CSPG4: variants seen among roughly 807,000 people sequenced by gnomAD.
The protein encoded by CSPG4 is chondroitin sulfate proteoglycan 4 (melanoma-associated).
CSPG4 carries 74 observed loss-of-function variants against 139.3 expected under a neutral mutation model. The ratio of observed to expected loss-of-function variants is 0.53; its 90% CI spans 0.44 to 0.64. The LOEUF is 0.64. CSPG4 is among the 30% of genes least tolerant of loss of function. CSPG4 has a pLI of 0.00. For missense variants in CSPG4, 2,565 were observed against 3,148.3 expected (o/e 0.81, Z 4.43); for synonymous variants, 1,234 against 1,394.2 (o/e 0.89, Z 2.56).
At chr15:75,708,990 GC>G (rs903206777) in intron 1 of CSPG4, among the ~76,000 whole-genome samples, 1 of 152,154 alleles carries the variant, frequency 6.6e-6, no homozygotes, top group African/African-American at 2.4e-5. Flanking sequence ...CTGCAGGGCT[GC>G]TGTGGGGCTG....
At chr15:75,695,779 CAG>C (rs1170744201) in intron 1 of CSPG4, among the ~76,000 whole-genome samples, 5 of 151,916 alleles carry the variant, frequency 3.3e-5, no homozygotes, top group Non-Finnish European at 5.9e-5. Context: ...TGTACAGACA[CAG>C]AGAGGGAGGA....
intron 1 of CSPG4, among the ~76,000 whole-genome samples, chr15:75,694,698 TCTC>T (rs776443581): frequency 7.5e-4 from 114 of 152,316 alleles, no homozygotes; most frequent in Non-Finnish European, 9.1e-4. Context: ...CCTCTAGTTA[TCTC>T]CTCCTGCCAG....
intron 1 of CSPG4, among the ~76,000 whole-genome samples, chr15:75,694,610 A>C (rs1293560716): frequency 6.6e-6 from 1 of 152,122 alleles, no homozygotes; most frequent in African/African-American, 2.4e-5. Context: ...AGACTTGTAC[A>C]CCCTAAGGGC....
chr15:75,689,928 G>T lies in CSPG4; in HGVS notation c.1137C>A (p.Gly379=), dbSNP rs752418350. 5.0e-6 allele frequency: 8 copies of T among 1,611,754 alleles called. No individual in the cohort carries two copies. The East Asian group carries it at 1.6e-4, about 31-fold the overall frequency. ...CATACTCCTCCTCCTCCAGCCTGCA[G>T]CCGGCTGCCATGTTGCGCGTCAGCA... ...EALLTRNMAA[G]CRLEEEEYED... is the part of the protein sequence containing the mutation. The change falls in exon 3 of 10, where the codon GGC becomes GGA. Residue 379 remains glycine (G), a synonymous_variant. Transcript: ENST00000308508.
intron 9 of CSPG4, 60 bp downstream of exon 9, chr15:75,677,643 C>T: frequency 5.3e-6 from 8 of 1,513,606 alleles, no homozygotes; most frequent in Non-Finnish European, 7.1e-6. Flanking sequence ...CGTGTCCCCT[C>T]CTCCTGGGCC....
intron 1 of CSPG4, among the ~76,000 whole-genome samples, chr15:75,699,366 G>T (rs1894271419): frequency 6.6e-6 from 1 of 152,258 alleles, no homozygotes; most frequent in African/African-American, 2.4e-5. Flanking sequence ...GCAAGGCCAA[G>T]GGGGCCAGGG....
chr15:75,705,474 G>A lies in CSPG4; in HGVS notation c.88+7194C>T, dbSNP rs186397915. ...GCAGCTTCAGGAGCAGATGTCCACCGAGCATTGATTCCAGGCAAAGTGTCT... is the reference window on the plus strand; with the variant it reads ...GCAGCTTCAGGAGCAGATGTCCACCAAGCATTGATTCCAGGCAAAGTGTCT... On this transcript the variant is annotated intron_variant, in intron 1 of 9. Transcript: ENST00000308508. Among the ~76,000 whole-genome samples, 331 of 152,316 alleles carry A rather than the reference G, an allele frequency of 2.2e-3. 3 individuals are homozygous for A. The highest frequency in any genetic ancestry group is 7.6e-3 in the African/African-American group (315 of 41,564).
At chr15:75,678,116 G>A (rs1421254167) in intron 8 of CSPG4, among the ~76,000 whole-genome samples, 1 of 152,174 alleles carries the variant, frequency 6.6e-6, no homozygotes, top group African/African-American at 2.4e-5. Flanking sequence ...GCCACCCTGG[G>A]GAAATCGCCT....
At position 75,688,682 on chromosome 15, in the gene CSPG4, G is replaced by T; in HGVS notation, c.2383C>A (p.Gln795Lys). The T allele has an allele frequency of 6.2e-7, 1 of 1,611,870 alleles. No individual in the cohort carries two copies. The change falls in exon 3 of 10, where the codon CAG becomes AAG. Residue 795 changes from glutamine (Q) to lysine (K), a missense_variant. By Grantham distance (53) the Gln-to-Lys change is moderately conservative (BLOSUM62 1). Transcript: ENST00000308508. ...WMLRLEPLHT[Q>K]NTQQETLTTA... ...GTGAGGGTCTCCTGCTGGGTGTTCTGAGTGTGCAGTGGCTCCAGCCGCAGC... is the reference window on the plus strand; with the variant it reads ...GTGAGGGTCTCCTGCTGGGTGTTCTTAGTGTGCAGTGGCTCCAGCCGCAGC...
chr15:75,695,393 C>A (rs770978429), intron 1 of CSPG4, among the ~76,000 whole-genome samples: 1 of 152,172 alleles, frequency 6.6e-6, no homozygotes, highest in African/African-American at 2.4e-5. Context: ...TTCCAGAGCG[C>A]TGGGGTCTGA....
chr15:75,691,067 TGGAGGCTGTGGCA>T (rs1391548154), intron 2 of CSPG4, among the ~76,000 whole-genome samples: 1 of 152,118 alleles, frequency 6.6e-6, no homozygotes, highest in African/African-American at 2.4e-5. Context: ...CCAGCTACTT[TGGAGGCTGTGGCA>T]GGAGAATTGC....
At position 75,683,170 on chromosome 15, in the gene CSPG4, C is replaced by A. The variant is rs535434555; in HGVS notation, c.4450-129G>T. 19 of 872,286 alleles carry A rather than the reference C, an allele frequency of 2.2e-5. No homozygotes were observed. The African/African-American group carries it at 2.6e-4, about 12-fold the overall frequency. 54.0% of individuals were successfully genotyped at this position (872,286 alleles called of 1,614,324 possible). On this transcript the variant is annotated intron_variant, in intron 5 of 9. Transcript: ENST00000308508. ...CCCTCGGGTGGCATCGAGGCTGGCG[C>A]CACTCTGGCTCCCCTGCACAAAGGG... is the stretch of plus-strand genomic sequence containing the variant.
intron 1 of CSPG4, among the ~76,000 whole-genome samples, chr15:75,694,521 C>A (rs771592791): frequency 7.2e-5 from 11 of 152,256 alleles, no homozygotes; most frequent in African/African-American, 2.7e-4. Context: ...CCGGCACCAG[C>A]CCCATGTGCT....
At chr15:75,692,720 G>A (rs1688309610) in intron 2 of CSPG4, among the ~76,000 whole-genome samples, 1 of 152,228 alleles carries the variant, frequency 6.6e-6, no homozygotes, top group Admixed American at 6.5e-5. Flanking sequence ...AGTTAGGCAT[G>A]TGCAGGGAAC....
rs147588851 is a variant in CSPG4 at position 75,677,344 on chromosome 15, C to G, written c.5175G>C (p.Val1725=). Residue 1725 remains valine, a synonymous_variant, in exon 10 of 10, where the codon GTG becomes GTC. Transcript: ENST00000308508. ...AGAGATTGGAGGCATCCAGAGCAGC[C>G]ACGGTGATCCTGGCCCGCTGGCCCT... ...VPEGQRARIT[V]AALDASNLLA... is the part of the protein sequence containing the mutation. 2.3e-5 allele frequency: 33 copies of G among 1,407,792 alleles called. No individual in the cohort carries two copies. The highest frequency in any genetic ancestry group is 3.0e-5 in the Non-Finnish European group (32 of 1,077,718). The allele number at this position is 1,407,792 out of a possible 1,614,324, so 87.2% of individuals were successfully genotyped here.
rs530179831 is a variant in CSPG4, at chr15:75,687,861, G to C, written c.3204C>G (p.Ile1068Met). Reference sequence around the variant, plus strand: ...GCCGCGTGGGCTCATCTACGGCCACGATACTGCCAAAGAGGAGGTCCTTGC... The same window carrying C: ...GCCGCGTGGGCTCATCTACGGCCACCATACTGCCAAAGAGGAGGTCCTTGC... ...LTRKDLLFGS[I>M]VAVDEPTRPI... Residue 1068 changes from isoleucine (I) to methionine (M), a missense_variant, in exon 3 of 10, where the codon ATC (isoleucine) becomes ATG (methionine). Physicochemically the swap from Ile to Met is conservative, Grantham distance 10. Around this residue, in one of 5 missense-constraint regions of CSPG4, gnomAD observed 2,316 missense variants for 2,818.2 expected, o/e 0.82. Transcript: ENST00000308508. This position sits in a 1 kb window ranked among gnomAD's most constrained non-coding sequence, Gnocchi z 5.4. 1 of 1,612,946 alleles carries C rather than the reference G, an allele frequency of 6.2e-7. No individual in the cohort carries two copies. The highest frequency in any genetic ancestry group is 1.3e-5 in the African/African-American group (1 of 75,076).
chr15:75,674,670 GC>G lies in CSPG4; in HGVS notation c.*879del, dbSNP rs765701033. On this transcript the variant is annotated 3_prime_UTR_variant, in exon 10 of 10. Coordinates refer to ENST00000308508, the MANE Select transcript of CSPG4 (RefSeq NM_001897.5). The stretch of plus-strand genomic sequence containing the variant: ...TTATCCAGGCTCCATGGAACCAAGT[GC>G]CCCCAGCTGCCTGCCCTAGTCCTCA... 86 of 399,046 alleles carry G rather than the reference GC, an allele frequency of 2.2e-4. No homozygotes were observed. In the Admixed American group the frequency reaches 2.5e-3, roughly 12 times the overall value. The allele number at this position is 399,046 out of a possible 1,614,324, so 24.7% of individuals were successfully genotyped here. A position where few individuals can be genotyped will look rare whatever the true frequency, so the allele number is the denominator to read the frequency against.
intron 1 of CSPG4, 49 bp from the exon 2 acceptor site, chr15:75,693,282 G>A: frequency 1.4e-6 from 2 of 1,408,502 alleles, no homozygotes; most frequent in South Asian, 2.9e-5. Context: ...TTGCCTGGAG[G>A]AGGCGAGGTG....
Position 75,684,912 on chromosome 15 carries a change from C to A in CSPG4, c.4273G>T (p.Val1425Leu). 1.2e-6 allele frequency: 2 copies of A among 1,606,574 alleles called. No homozygotes were observed. The highest frequency in any genetic ancestry group is 1.7e-6 in the Non-Finnish European group (2 of 1,174,188). ...RTLSAFSWRM[V>L]EEQLIRYVHD... ...ACGTAGCGGATCAGCTGCTCTTCCA[C>A]CTAGGGGCAGGCCCAGGGCTGGCAG... The change falls in exon 5 of 10, where the codon GTG (valine) becomes TTG (leucine). Residue 1425 changes from valine to leucine, a missense_variant and splice_region_variant. Val to Leu is a conservative substitution (Grantham distance 32). Coordinates refer to ENST00000308508, the MANE Select transcript of CSPG4 (RefSeq NM_001897.5).
Sources: gnomAD v4.1 joint callset for allele counts (sites outside exome capture counted in the v4.1 genomes callset) on GRCh38, gnomAD v4.1.1 for gene constraint, gnomAD v4.1.1 regional missense constraint, Gnocchi (gnomAD v3.1) non-coding constraint, MANE v1.5 for transcripts, NCBI Gene and HGNC (gene_info 2026-07-23, HGNC 2026-07-21) for gene names.